Variants in NKAIN2 observed in about 807,000 individuals in gnomAD.
NKAIN2 encodes the protein sodium/potassium-transporting ATPase subunit beta-1-interacting protein 2.
In NKAIN2, 14 loss-of-function variants were observed where a neutral mutation model predicts 32.6. The observed-to-expected ratio is 0.43, with a 90% CI of 0.28 to 0.67. The LOEUF (loss-of-function observed/expected upper bound fraction) is 0.67. Among genes scored for constraint, NKAIN2 ranks in the 30% least tolerant of loss-of-function variants. The pLI, the probability that NKAIN2 is intolerant of heterozygous loss-of-function variation, is 0.17. For synonymous variants in NKAIN2, 80 were observed against 87.2 expected (o/e 0.92, Z 0.46); for missense variants, 198 against 258.3 (o/e 0.77, Z 1.60).
chr6:124,644,417 T>G (rs1216823182), intron 3 of NKAIN2, among the ~76,000 whole-genome samples: 13 of 151,804 alleles, frequency 8.6e-5, no homozygotes, highest in Non-Finnish European at 1.2e-4. Context: ...TCTTTTTTTT[T>G]TTTTTGAGAC....
intron 2 of NKAIN2, among the ~76,000 whole-genome samples, chr6:124,349,174 T>A (rs1798595371): frequency 6.6e-6 from 1 of 151,874 alleles, no homozygotes; most frequent in African/African-American, 2.4e-5. Flanking sequence ...GTTTATTGGG[T>A]GCAAAGGAAA....
At chr6:123,966,467 A>G (rs1043384462) in intron 1 of NKAIN2, among the ~76,000 whole-genome samples, 2 of 152,132 alleles carry the variant, frequency 1.3e-5, no homozygotes, top group Non-Finnish European at 2.9e-5. Flanking sequence ...GATTTTTGCT[A>G]TATATATGTA....
chr6:124,812,175 A>G (rs974197448), intron 5 of NKAIN2, among the ~76,000 whole-genome samples: 3 of 152,042 alleles, frequency 2.0e-5, no homozygotes, highest in Non-Finnish European at 4.4e-5. Flanking sequence ...TTTTCTTCCT[A>G]CTGGTATCCA....
chr6:124,272,700 C>G (rs1794848957), intron 1 of NKAIN2, among the ~76,000 whole-genome samples: 2 of 152,294 alleles, frequency 1.3e-5, no homozygotes, highest in Non-Finnish European at 2.9e-5. Flanking sequence ...CAGCTTGCAC[C>G]ATGCACCTGG....
chr6:123,849,526 T>C (rs1453882323), intron 1 of NKAIN2, among the ~76,000 whole-genome samples: 1 of 152,122 alleles, frequency 6.6e-6, no homozygotes, highest in Non-Finnish European at 1.5e-5. Context: ...CTACCCCTGT[T>C]AGTCATTAGC....
intron 3 of NKAIN2, among the ~76,000 whole-genome samples, chr6:124,482,523 C>T (rs1203489164): frequency 2.0e-5 from 3 of 152,152 alleles, no homozygotes; most frequent in Admixed American, 2.0e-4. Flanking sequence ...AATTTCTTTG[C>T]TTTTGCTTTC....
chr6:124,644,377 G>T (rs1784092694), intron 3 of NKAIN2, among the ~76,000 whole-genome samples: 1 of 150,932 alleles, frequency 6.6e-6, no homozygotes, highest in South Asian at 2.1e-4. Flanking sequence ...TGCATCCAGA[G>T]TGTAAAAGAT....
chr6:124,557,315 G>C (rs2114882090), intron 3 of NKAIN2, among the ~76,000 whole-genome samples: 1 of 152,192 alleles, frequency 6.6e-6, no homozygotes, highest in South Asian at 2.1e-4. Context: ...CAAAAAAGTA[G>C]AGATTTTTCT....
intron 3 of NKAIN2, among the ~76,000 whole-genome samples, chr6:124,436,571 A>T (rs1189763383): frequency 9.9e-5 from 15 of 152,112 alleles, no homozygotes; most frequent in Admixed American, 9.2e-4. Context: ...CCAGAACTGG[A>T]ATTTAGTGAA....
chr6:124,118,356 A>G (rs934923274), intron 1 of NKAIN2, among the ~76,000 whole-genome samples: 1 of 152,190 alleles, frequency 6.6e-6, no homozygotes, highest in Non-Finnish European at 1.5e-5. Flanking sequence ...AGAAAGTAGA[A>G]AGGGATGCTC....
intron 1 of NKAIN2, among the ~76,000 whole-genome samples, chr6:123,853,728 A>G (rs954693879): frequency 2.6e-5 from 4 of 152,006 alleles, no homozygotes; most frequent in South Asian, 2.1e-4. Context: ...GATTTCTAAT[A>G]TTTATCTGCA....
At chr6:124,581,445 C>CAAA (rs57280967) in intron 3 of NKAIN2, among the ~76,000 whole-genome samples, 10 of 81,396 alleles carry the variant, frequency 1.2e-4, no homozygotes, top group East Asian at 3.8e-4. Context: ...GACTCCGTCT[C>CAAA]AAAAAAAAAA....
intron 2 of NKAIN2, among the ~76,000 whole-genome samples, chr6:124,347,041 A>G (rs1445800309): frequency 6.6e-6 from 1 of 151,666 alleles, no homozygotes; most frequent in Admixed American, 6.6e-5. Context: ...TGGTGACAAA[A>G]TCTCTCAGCA....
intron 1 of NKAIN2, among the ~76,000 whole-genome samples, chr6:123,946,008 C>T (rs1777045570): frequency 1.3e-5 from 2 of 152,054 alleles, no homozygotes; most frequent in African/African-American, 4.8e-5. Context: ...ATATCAAGTT[C>T]ATTCCATTTT....
chr6:124,119,084 C>T (rs1336310400), intron 1 of NKAIN2, among the ~76,000 whole-genome samples: 1 of 152,100 alleles, frequency 6.6e-6, no homozygotes, highest in Non-Finnish European at 1.5e-5. Flanking sequence ...AATTCAAGTA[C>T]ATCTTTGAAA....
At chr6:123,965,495 C>G (rs1362397182) in intron 1 of NKAIN2, among the ~76,000 whole-genome samples, 1 of 152,134 alleles carries the variant, frequency 6.6e-6, no homozygotes, top group Non-Finnish European at 1.5e-5. Flanking sequence ...CAACATTACA[C>G]TCACAGTCCT....
chr6:124,278,809 G>A (rs1245364740), intron 1 of NKAIN2, among the ~76,000 whole-genome samples: 3 of 151,232 alleles, frequency 2.0e-5, no homozygotes, highest in Non-Finnish European at 4.4e-5. Context: ...ATTTTGGGGA[G>A]TTTGTCCTAT....
At chr6:124,002,099 T>C (rs1779900695) in intron 1 of NKAIN2, among the ~76,000 whole-genome samples, 1 of 152,032 alleles carries the variant, frequency 6.6e-6, no homozygotes, top group South Asian at 2.1e-4. Context: ...ATATTTGGCT[T>C]TCAATAAAAA....
chr6:123,937,644 G>T (rs1776581926), intron 1 of NKAIN2, among the ~76,000 whole-genome samples: 1 of 152,016 alleles, frequency 6.6e-6, no homozygotes, highest in Non-Finnish European at 1.5e-5. Context: ...GTAAATATCT[G>T]CATTTCTCTG....
Sources: gnomAD v4.1 joint callset for allele counts (sites outside exome capture counted in the v4.1 genomes callset) on GRCh38, gnomAD v4.1.1 for gene constraint, MANE v1.5 for transcripts, NCBI Gene and HGNC (gene_info 2026-07-23, HGNC 2026-07-21) for gene names.